Variants in ORC5 observed in about 807,000 individuals in gnomAD.
The protein encoded by ORC5 is protein phosphatase 1, regulatory subunit 117.
Under a neutral mutation model 58.8 loss-of-function variants are expected in ORC5, and 39 were observed. The ratio of observed to expected loss-of-function variants is 0.66; its 90% CI spans 0.51 to 0.87. The LOEUF (loss-of-function observed/expected upper bound fraction) is 0.87, where lower values mean the gene tolerates loss of function less well. Among genes scored for constraint, ORC5 ranks in the 40% least tolerant of loss-of-function variants. ORC5 has a pLI of 0.00. For synonymous variants in ORC5, 218 were observed against 177.6 expected (o/e 1.23, Z -1.81); for missense variants, 493 against 506.3 (o/e 0.97, Z 0.25).
At chr7:104,173,845 C>CTTTT (rs71154394) in intron 8 of ORC5, among the ~76,000 whole-genome samples, 2 of 111,100 alleles carry the variant, frequency 1.8e-5, no homozygotes, top group African/African-American at 3.8e-5. Context: ...AAAATTTTTT[C>CTTTT]TTTTTTTTTT....
Position 104,136,754 on chromosome 7 carries a change from A to T in ORC5, c.1262+27T>A. 7.3e-7 allele frequency: 1 copy of T among 1,378,840 alleles called. No homozygotes were observed. The highest frequency in any genetic ancestry group is 1.0e-6 in the Non-Finnish European group (1 of 966,806). 85.4% of individuals were successfully genotyped at this position (1,378,840 alleles called of 1,614,324 possible). On this transcript the variant is annotated intron_variant, in intron 13 of 13. Coordinates refer to ENST00000297431, the MANE Select transcript of ORC5 (RefSeq NM_002553.4). The surrounding 1 kb of genome is among the most constrained non-coding windows in gnomAD (Gnocchi z 4.2). ...AAACACTAATTTTTATATTTAGTAT[A>T]TCATTACATAATTCAAGACATTTTA...
Position 104,136,933 on chromosome 7 carries a change from A to G in ORC5, c.1150-40T>C. ...TTTTATAAGAAACTGTTTTAATAAGATTATGTAATACTTTTGTTTCTGAAA... is the reference window on the plus strand; with the variant it reads ...TTTTATAAGAAACTGTTTTAATAAGGTTATGTAATACTTTTGTTTCTGAAA... On this transcript the variant is annotated intron_variant, in intron 12 of 13. Coordinates refer to ENST00000297431, the MANE Select transcript of ORC5 (RefSeq NM_002553.4). The surrounding 1 kb of genome is among the most constrained non-coding windows in gnomAD (Gnocchi z 4.2). The G allele has an allele frequency of 7.5e-7, 1 of 1,338,734 alleles. No individual in the cohort carries two copies. The highest frequency in any genetic ancestry group is 1.4e-5 in the African/African-American group (1 of 69,488). 82.9% of individuals were successfully genotyped at this position (1,338,734 alleles called of 1,614,324 possible). A position where few individuals can be genotyped will look rare whatever the true frequency, so the allele number is the denominator to read the frequency against.
chr7:104,146,354 C>T (rs1429965242), intron 12 of ORC5, among the ~76,000 whole-genome samples: 1 of 152,130 alleles, frequency 6.6e-6, no homozygotes, highest in Non-Finnish European at 1.5e-5. Context: ...AAAACTAGTA[C>T]ATGAATGTTC....
chr7:104,189,612 A>G (rs922247130), intron 5 of ORC5, among the ~76,000 whole-genome samples: 16 of 152,136 alleles, frequency 1.1e-4, no homozygotes, highest in Non-Finnish European at 5.9e-5. Context: ...CCTCCATAAA[A>G]AAATCCTAAA....
chr7:104,164,419 C>T (rs1375179433), intron 11 of ORC5, among the ~76,000 whole-genome samples: 1 of 152,114 alleles, frequency 6.6e-6, no homozygotes, highest in Non-Finnish European at 1.5e-5. Flanking sequence ...GACCCTACCT[C>T]AAAAACAGAT....
At chr7:104,169,176 T>C (rs1412695851) in intron 8 of ORC5, among the ~76,000 whole-genome samples, 2 of 152,168 alleles carry the variant, frequency 1.3e-5, no homozygotes, top group Non-Finnish European at 2.9e-5. Flanking sequence ...GCAATTGTCA[T>C]ATACTATTTC....
chr7:104,137,548 C>T (rs1435172016), intron 12 of ORC5, among the ~76,000 whole-genome samples: 1 of 152,060 alleles, frequency 6.6e-6, no homozygotes, highest in African/African-American at 2.4e-5. Flanking sequence ...TACCATGCCC[C>T]CATCCTGTGC....
chr7:104,142,221 C>A (rs770260854), intron 12 of ORC5, among the ~76,000 whole-genome samples: 18 of 152,124 alleles, frequency 1.2e-4, no homozygotes, highest in Non-Finnish European at 2.4e-4. Context: ...TCATCTTACA[C>A]CATACACAAA....
At chr7:104,127,448 T>TA (rs1258495578) in intron 13 of ORC5, among the ~76,000 whole-genome samples, 18 of 152,192 alleles carry the variant, frequency 1.2e-4, no homozygotes, top group African/African-American at 4.1e-4. Context: ...TGAATGTATA[T>TA]TTTTGTACTC....
chr7:104,169,672 G>GTTAT (rs1799175237), intron 8 of ORC5, among the ~76,000 whole-genome samples: 1 of 152,162 alleles, frequency 6.6e-6, no homozygotes, highest in African/African-American at 2.4e-5. Context: ...GGGTGGAAGT[G>GTTAT]ATAAGGATGA....
At chr7:104,178,682 T>A (rs1015267636) in intron 8 of ORC5, among the ~76,000 whole-genome samples, 18 of 152,298 alleles carry the variant, frequency 1.2e-4, no homozygotes, top group Admixed American at 7.8e-4. Context: ...TCTAGGGTTT[T>A]TATGGTTTTG....
In ORC5 at chr7:104,136,683, G is replaced by T; in HGVS notation, c.1262+98C>A. The T allele has an allele frequency of 2.7e-6, 2 of 744,446 alleles. No individual in the cohort carries two copies. The highest frequency in any genetic ancestry group is 2.3e-6 in the Non-Finnish European group (1 of 441,262). 46.1% of individuals were successfully genotyped at this position (744,446 alleles called of 1,614,324 possible). On this transcript the variant is annotated intron_variant, in intron 13 of 13. Coordinates refer to ENST00000297431, the MANE Select transcript of ORC5 (RefSeq NM_002553.4). The surrounding 1 kb of genome is among the most constrained non-coding windows in gnomAD (Gnocchi z 4.2). ...ATTCATTCTTGGCACTTAAATAGAT[G>T]ATTTTTTCATGTTTAAATGTCATGA...
rs1335929402 is a variant in ORC5 at position 104,197,731 on chromosome 7, T to C, written c.435A>G (p.Gln145=). The change falls in exon 4 of 14, where the codon CAA becomes CAG. Residue 145 remains glutamine (Q), a synonymous_variant. Coordinates refer to ENST00000297431, the MANE Select transcript of ORC5 (RefSeq NM_002553.4). ...ACTTTCTCACATTACTTACCAATTC[T>C]TGTAATCTAAGAAATCCAGGCAAAA... The part of the protein sequence containing the change: ...ANLLPGFLRL[Q]ELADRNVTVL... 3 of 1,595,532 alleles carry C rather than the reference T, an allele frequency of 1.9e-6. No homozygotes were observed. Among genetic ancestry groups the C allele is most frequent in the Non-Finnish European group, 8.6e-7 (1 of 1,168,956 alleles).
intron 12 of ORC5, among the ~76,000 whole-genome samples, 185 bp from the exon 13 acceptor site, chr7:104,137,078 A>G (rs1798600939): frequency 6.6e-6 from 1 of 151,492 alleles, no homozygotes. Context: ...AACAACCAAG[A>G]CTAGTTGTCA....
intron 12 of ORC5, among the ~76,000 whole-genome samples, chr7:104,152,290 A>G (rs1210305449): frequency 6.6e-6 from 1 of 151,976 alleles, no homozygotes; most frequent in East Asian, 1.9e-4. Context: ...TGGGATTACA[A>G]TCACGCACCA....
intron 12 of ORC5, among the ~76,000 whole-genome samples, chr7:104,153,739 G>A (rs1798880824): frequency 6.6e-6 from 1 of 152,014 alleles, no homozygotes; most frequent in South Asian, 2.1e-4. Flanking sequence ...CAAGTTTAAT[G>A]TCTATAAAGA....
At chr7:104,197,875 TC>T in intron 3 of ORC5, 76 bp from the exon 4 acceptor site, 1 of 874,312 alleles carries the variant, frequency 1.1e-6, no homozygotes, top group Non-Finnish European at 1.8e-6. Flanking sequence ...TTTGACTATG[TC>T]CCCCAAAGTT....
chr7:104,196,257 C>G (rs1194973762), intron 4 of ORC5, among the ~76,000 whole-genome samples: 4 of 152,142 alleles, frequency 2.6e-5, no homozygotes, highest in Non-Finnish European at 5.9e-5. Context: ...ATACTGCACT[C>G]TGGATACCAG....
intron 5 of ORC5, among the ~76,000 whole-genome samples, 190 bp downstream of exon 5, chr7:104,194,953 A>G (rs911232127): frequency 6.6e-6 from 1 of 152,176 alleles, no homozygotes. Context: ...TTCCCATTTG[A>G]ATGGCAATAA....
Sources: allele counts gnomAD v4.1 joint callset (sites outside exome capture counted in the v4.1 genomes callset), GRCh38; gene constraint gnomAD v4.1.1; non-coding constraint Gnocchi (gnomAD v3.1); transcripts MANE v1.5; gene names NCBI Gene and HGNC (gene_info 2026-07-23, HGNC 2026-07-21).